The following TMEM132B variants were observed in gnomAD, a reference collection of about 807,000 sequenced individuals.
TMEM132B encodes the protein transmembrane protein 132B.
In TMEM132B, 18 loss-of-function variants were observed where a neutral mutation model predicts 90.8. The observed-to-expected ratio is 0.20, with a 90% confidence interval of 0.14 to 0.29. The LOEUF (loss-of-function observed/expected upper bound fraction) is 0.29, where lower values mean the gene tolerates loss of function less well. Among genes scored for constraint, TMEM132B ranks in the 10% least tolerant of loss-of-function variants. TMEM132B has a pLI of 1.00. For missense variants in TMEM132B, 1,096 were observed against 1,326.8 expected (o/e 0.83, Z 2.70); for synonymous variants, 504 against 523.3 (o/e 0.96, Z 0.50).
rs557375774 is a variant in TMEM132B, at chr12:125,605,433, T to TA, written c.1437+21441dup. On this transcript the variant is annotated intron_variant, in intron 5 of 8. Transcript: ENST00000682704. The stretch of plus-strand genomic sequence containing the variant: ...TGCCATGTGCATGGAAGAGCAGAAT[T>TA]AATCATTCCACAGAGTGAGAAAAAG... 6.2e-4 allele frequency among the ~76,000 whole-genome samples: 95 copies of TA among 152,244 alleles called. 1 individual carries two copies. The East Asian group carries it at 0.015, about 24-fold the overall frequency.
chr12:125,361,135 G>A (rs1039902923), intron 2 of TMEM132B, among the ~76,000 whole-genome samples: 31 of 152,206 alleles, frequency 2.0e-4, no homozygotes, highest in African/African-American at 6.7e-4. Flanking sequence ...GGACACGCCC[G>A]CTGCCCAGCC....
chr12:125,561,769 T>C (rs1884539512), intron 4 of TMEM132B, among the ~76,000 whole-genome samples: 1 of 152,172 alleles, frequency 6.6e-6, no homozygotes, highest in African/African-American at 2.4e-5. Flanking sequence ...TAAACCATGC[T>C]ATAAACAGAG....
Position 125,415,750 on chromosome 12 carries a change from T to C in TMEM132B, c.1106+73T>C, listed in dbSNP as rs535360647. ...GTGGCTGCCAGAGCTGATAGCAAAATAATGTGCGTGTGGATAAAGCGATGC... is the reference window on the plus strand; with the variant it reads ...GTGGCTGCCAGAGCTGATAGCAAAACAATGTGCGTGTGGATAAAGCGATGC... On this transcript the variant is annotated intron_variant, in intron 3 of 8. Transcript: ENST00000682704. The surrounding 1 kb of genome is among the most constrained non-coding windows in gnomAD (Gnocchi z 5.3). 9 of 1,565,084 alleles carry C rather than the reference T, an allele frequency of 5.8e-6. No homozygotes were observed. Among genetic ancestry groups the C allele is most frequent in the East Asian group, 2.3e-5 (1 of 44,064 alleles).
Position 125,519,478 on chromosome 12 carries a change from T to C in TMEM132B, c.1146T>C (p.Phe382=). 2 of 1,613,668 alleles carry C rather than the reference T, an allele frequency of 1.2e-6. No individual in the cohort carries two copies. Among genetic ancestry groups the C allele is most frequent in the Non-Finnish European group, 1.7e-6 (2 of 1,179,816 alleles). ...TCTATGAGATCTTGCAAGTGGACTT[T>C]GGAATTGATAATAGCAGTGACCTGG... ...GSFYEILQVD[F]GIDNSSDLAG... The change falls in exon 4 of 9, where the codon TTT becomes TTC. Residue 382 remains phenylalanine, a synonymous_variant. Coordinates refer to ENST00000682704, the MANE Select transcript of TMEM132B (RefSeq NM_001366854.1).
chr12:125,517,448 TC>T (rs1056728339), intron 3 of TMEM132B, among the ~76,000 whole-genome samples: 2 of 148,164 alleles, frequency 1.3e-5, no homozygotes, highest in African/African-American at 4.9e-5. Flanking sequence ...CGCCTCGGCC[TC>T]CCAAAGTGCT....
rs370684388 is a variant in TMEM132B at position 125,589,813 on chromosome 12, T to C, written c.1437+5819T>C. On this transcript the variant is annotated intron_variant, in intron 5 of 8. Coordinates refer to ENST00000682704, the MANE Select transcript of TMEM132B (RefSeq NM_001366854.1). ...ATCATTCATGAGAAATCTGCCCCCATGATCCAATCACCTTCCACCAGGCCC... is the reference window on the plus strand; with the variant it reads ...ATCATTCATGAGAAATCTGCCCCCACGATCCAATCACCTTCCACCAGGCCC... Among the ~76,000 whole-genome samples the C allele has an allele frequency of 3.9e-4, 60 of 152,192 alleles. No individual in the cohort carries two copies. The East Asian group carries it at 7.0e-3, about 18-fold the overall frequency.
chr12:125,349,514 C>T lies in TMEM132B; in HGVS notation c.130C>T (p.Pro44Ser), dbSNP rs368828175. ...GTTTTCCTCGCTCCCTGCTTACCTC[C>T]CCACGAACTTGCACATCTCCAATGC... is the stretch of plus-strand genomic sequence containing the variant. ...QKFSSLPAYLPTNLHISNAEE... is the reference protein window; with the variant it reads ...QKFSSLPAYLSTNLHISNAEE... The change falls in exon 2 of 9, where the codon CCC (proline) becomes TCC (serine). Residue 44 changes from proline (P) to serine (S), a missense_variant. Physicochemically the swap from Pro to Ser is moderately conservative, Grantham distance 74. Transcript: ENST00000682704. This position sits in a 1 kb window ranked among gnomAD's most constrained non-coding sequence, Gnocchi z 4.1. The T allele has an allele frequency of 9.6e-5, 155 of 1,614,128 alleles. 2 individuals carry two copies. The South Asian group carries it at 1.2e-3, about 12-fold the overall frequency.
intron 4 of TMEM132B, among the ~76,000 whole-genome samples, chr12:125,555,168 A>T (rs2136773777): frequency 6.6e-6 from 1 of 152,278 alleles, no homozygotes; most frequent in Non-Finnish European, 1.5e-5. Flanking sequence ...GAAACTGAAA[A>T]TTGAACTGTT....
intron 2 of TMEM132B, among the ~76,000 whole-genome samples, chr12:125,403,864 G>C (rs970707988): frequency 6.6e-6 from 1 of 152,180 alleles, no homozygotes; most frequent in Non-Finnish European, 1.5e-5. Context: ...CATGAGCATT[G>C]TCCCTCTACC....
intron 3 of TMEM132B, among the ~76,000 whole-genome samples, chr12:125,514,112 A>G (rs776669204): frequency 1.3e-5 from 2 of 152,210 alleles, no homozygotes; most frequent in African/African-American, 2.4e-5. Flanking sequence ...AGCAGAGTAT[A>G]TAAACAGACT....
chr12:125,220,234 T>C (rs1873527260), intron 1 of TMEM132B, among the ~76,000 whole-genome samples: 1 of 152,218 alleles, frequency 6.6e-6, no homozygotes, highest in South Asian at 2.1e-4. Flanking sequence ...TCTTGGTCAA[T>C]GGAGGTATTT....
chr12:125,265,747 A>G (rs752512390), intron 1 of TMEM132B, among the ~76,000 whole-genome samples: 2 of 152,122 alleles, frequency 1.3e-5, no homozygotes, highest in East Asian at 1.9e-4. Flanking sequence ...TTTACTTTCT[A>G]TAAACAAGTC....
chr12:125,346,062 G>A (rs936120780), intron 1 of TMEM132B, among the ~76,000 whole-genome samples: 7 of 152,160 alleles, frequency 4.6e-5, no homozygotes, highest in East Asian at 1.9e-4. Flanking sequence ...GGTAGCTGAC[G>A]TTTATGGCTT....
chr12:125,437,034 A>G (rs1220340802), intron 3 of TMEM132B, among the ~76,000 whole-genome samples: 3 of 152,194 alleles, frequency 2.0e-5, no homozygotes, highest in South Asian at 2.1e-4. Context: ...TTCAAGGGCC[A>G]TACCACACCC....
chr12:125,602,236 CT>C (rs1885589165), intron 5 of TMEM132B, among the ~76,000 whole-genome samples: 1 of 152,198 alleles, frequency 6.6e-6, no homozygotes, highest in African/African-American at 2.4e-5. Context: ...CAAACCGAAT[CT>C]AGCAGCACAT....
intron 3 of TMEM132B, among the ~76,000 whole-genome samples, chr12:125,432,546 G>GAGAGAT (rs1555248880): frequency 1.4e-5 from 1 of 71,198 alleles, no homozygotes; most frequent in African/African-American, 6.5e-5. Context: ...GAGAGAGAGA[G>GAGAGAT]AGAGAGAGAG....
At chr12:125,337,179 G>A (rs1736769750) in intron 1 of TMEM132B, among the ~76,000 whole-genome samples, 1 of 152,202 alleles carries the variant, frequency 6.6e-6, no homozygotes, top group Non-Finnish European at 1.5e-5. Context: ...ATAAGGAAGT[G>A]CTATGCCATT....
chr12:125,508,052 G>A (rs1323290356), intron 3 of TMEM132B, among the ~76,000 whole-genome samples: 1 of 152,186 alleles, frequency 6.6e-6, no homozygotes, highest in Non-Finnish European at 1.5e-5. Context: ...CATTACACGT[G>A]CACTATTAAG....
At chr12:125,290,317 T>C (rs1232295688) in intron 1 of TMEM132B, among the ~76,000 whole-genome samples, 4 of 152,118 alleles carry the variant, frequency 2.6e-5, no homozygotes, top group Non-Finnish European at 5.9e-5. Context: ...ATTCCAGGCA[T>C]GCAAAGAGGC....
Sources: allele counts gnomAD v4.1 joint callset (sites outside exome capture counted in the v4.1 genomes callset), GRCh38; gene constraint gnomAD v4.1.1; non-coding constraint Gnocchi (gnomAD v3.1); transcripts MANE v1.5; gene names NCBI Gene and HGNC (gene_info 2026-07-23, HGNC 2026-07-21).